NBEA: variants seen among roughly 807,000 people sequenced by gnomAD.
The protein encoded by NBEA is neurobeachin.
A neutral mutation model predicts 343.4 loss-of-function variants in NBEA; 44 were observed. That is an observed-to-expected ratio of 0.13 (90% CI 0.10 to 0.16). The LOEUF is 0.16. Ranked by LOEUF, NBEA falls within the 10% of genes least tolerant of loss-of-function variation. The probability of loss-of-function intolerance (pLI) is 1.00; values close to 1 mark genes in which losing one functional copy is unlikely to be tolerated. For synonymous variants in NBEA, 1,175 were observed against 1,238.7 expected (o/e 0.95, Z 1.08); for missense variants, 2,555 against 3,631.3 (o/e 0.70, Z 7.62).
At chr13:35,166,689 T>C (rs918846991) in intron 24 of NBEA, among the ~76,000 whole-genome samples, 1 of 152,150 alleles carries the variant, frequency 6.6e-6, no homozygotes, top group Admixed American at 6.6e-5. Context: ...CTATGATTGG[T>C]GCTGACTGCT....
chr13:35,510,770 T>G (rs1380608360), intron 41 of NBEA, among the ~76,000 whole-genome samples: 1 of 152,188 alleles, frequency 6.6e-6, no homozygotes, highest in Non-Finnish European at 1.5e-5. Flanking sequence ...CTTACAATTT[T>G]GTTAGGCACT....
chr13:35,603,257 T>A (rs1305848129), intron 47 of NBEA, among the ~76,000 whole-genome samples: 1 of 152,196 alleles, frequency 6.6e-6, no homozygotes, highest in Admixed American at 6.5e-5. Flanking sequence ...GCTTAATATT[T>A]AATGAGCACC....
In NBEA at chr13:35,133,551, AGTT is replaced by A. The variant is rs530531779; in HGVS notation, c.2337-8716_2337-8714del. On this transcript the variant is annotated intron_variant, in intron 17 of 58. Transcript: ENST00000379939. ...TCAATATAACATTGCTAATATTAAA[AGTT>A]GGAAACAACATAGAATAGGAGAACA... is the stretch of plus-strand genomic sequence containing the variant. Among the ~76,000 whole-genome samples, 288 of 152,254 alleles carry A rather than the reference AGTT, an allele frequency of 1.9e-3. 2 individuals carry two copies. The highest frequency in any genetic ancestry group is 6.8e-3 in the African/African-American group (281 of 41,586).
Position 35,251,369 on chromosome 13 carries a change from CA to C in NBEA, c.5776+18752del, listed in dbSNP as rs1289437194. On this transcript the variant is annotated intron_variant, in intron 34 of 58. Coordinates refer to ENST00000379939, the MANE Select transcript of NBEA (RefSeq NM_001385012.1). ...TCCTCACCAGCCTTGGAGAGGACTC[CA>C]ATGACTGTGTGCTGGTGTTCTGCCA... is the stretch of plus-strand genomic sequence containing the variant. 11 of 1,035,254 alleles carry C rather than the reference CA, an allele frequency of 1.1e-5. No individual in the cohort carries two copies. The East Asian group carries it at 1.1e-3, about 107-fold the overall frequency. 64.1% of individuals were successfully genotyped at this position (1,035,254 alleles called of 1,614,324 possible).
chr13:35,367,016 T>C (rs1288879897), intron 38 of NBEA, among the ~76,000 whole-genome samples: 1 of 151,398 alleles, frequency 6.6e-6, no homozygotes, highest in Non-Finnish European at 1.5e-5. Flanking sequence ...GTAGTAAGAA[T>C]CTCTATTCTT....
chr13:34,997,145 G>A (rs558158370), intron 1 of NBEA, among the ~76,000 whole-genome samples: 1 of 152,040 alleles, frequency 6.6e-6, no homozygotes, highest in African/African-American at 2.4e-5. Flanking sequence ...ATATGACTTT[G>A]TTTTCCAGTG....
chr13:35,369,509 A>T (rs891518818), intron 38 of NBEA, among the ~76,000 whole-genome samples: 1 of 151,888 alleles, frequency 6.6e-6, no homozygotes, highest in Non-Finnish European at 1.5e-5. Context: ...TAATTTTTTC[A>T]ATCAGTGAGC....
chr13:35,610,546 A>C (rs1206961075), intron 48 of NBEA, among the ~76,000 whole-genome samples: 1 of 151,878 alleles, frequency 6.6e-6, no homozygotes, highest in African/African-American at 2.4e-5. Flanking sequence ...CATATAAAAA[A>C]ATTAACTCAA....
intron 35 of NBEA, among the ~76,000 whole-genome samples, chr13:35,309,201 G>T (rs1488905610): frequency 6.6e-6 from 1 of 151,962 alleles, no homozygotes; most frequent in East Asian, 1.9e-4. Context: ...TCTAGTCCTT[G>T]TGTAGTCACA....
chr13:35,648,255 T>G (rs117520967), intron 51 of NBEA, among the ~76,000 whole-genome samples: 300 of 148,840 alleles, frequency 2.0e-3, no homozygotes, highest in Non-Finnish European at 3.5e-3. Flanking sequence ...CCTTGGTTAG[T>G]CACTAGTGAA....
intron 29 of NBEA, 77 bp downstream of exon 29, chr13:35,182,605 A>AG: frequency 7.6e-7 from 1 of 1,323,780 alleles, no homozygotes; most frequent in Non-Finnish European, 1.0e-6. Flanking sequence ...CTAGATTTAA[A>AG]CTGGACCTCT....
At chr13:35,084,959 A>G (rs2064657328) in intron 10 of NBEA, among the ~76,000 whole-genome samples, 1 of 152,214 alleles carries the variant, frequency 6.6e-6, no homozygotes, top group Non-Finnish European at 1.5e-5. Flanking sequence ...AAACACCTCT[A>G]TGCAAATAAA....
chr13:35,479,914 GA>G (rs905835784), intron 41 of NBEA, among the ~76,000 whole-genome samples: 5 of 151,586 alleles, frequency 3.3e-5, no homozygotes, highest in East Asian at 1.9e-4. Context: ...CTAATTGAAG[GA>G]AAAAAATCTC....
intron 34 of NBEA, among the ~76,000 whole-genome samples, chr13:35,273,255 T>C (rs1233084040): frequency 2.6e-5 from 4 of 152,154 alleles, no homozygotes; most frequent in Non-Finnish European, 4.4e-5. Context: ...AAATGTCTAC[T>C]GGGTAAATAA....
chr13:35,417,392 T>C (rs1158327338), intron 38 of NBEA, among the ~76,000 whole-genome samples: 2 of 152,184 alleles, frequency 1.3e-5, no homozygotes, highest in African/African-American at 4.8e-5. Flanking sequence ...AATTTCCCTC[T>C]ACACACCGCT....
At chr13:34,976,097 C>A (rs932605507) in intron 1 of NBEA, among the ~76,000 whole-genome samples, 2 of 152,092 alleles carry the variant, frequency 1.3e-5, no homozygotes, top group African/African-American at 4.8e-5. Flanking sequence ...GAAAATAAGT[C>A]ATTATATGAA....
chr13:35,170,979 A>G (rs1410027388), intron 25 of NBEA: 1 of 435,804 alleles, frequency 2.3e-6, no homozygotes, highest in Admixed American at 2.9e-5. Context: ...TTCTGTCTAA[A>G]TATCTTTGTG....
At chr13:34,959,170 G>A (rs1422844217) in intron 1 of NBEA, among the ~76,000 whole-genome samples, 2 of 151,912 alleles carry the variant, frequency 1.3e-5, no homozygotes, top group African/African-American at 4.8e-5. Flanking sequence ...TAAGAGTTGA[G>A]GTTTAATGAT....
chr13:35,642,360 A>C (rs2084003698), intron 49 of NBEA, among the ~76,000 whole-genome samples: 1 of 152,204 alleles, frequency 6.6e-6, no homozygotes, highest in Admixed American at 6.5e-5. Flanking sequence ...AAAATAATGG[A>C]GCTTCTAATA....
Sources: allele counts gnomAD v4.1 joint callset (sites outside exome capture counted in the v4.1 genomes callset), GRCh38; gene constraint gnomAD v4.1.1; transcripts MANE v1.5; gene names NCBI Gene and HGNC (gene_info 2026-07-23, HGNC 2026-07-21).